Variants in MAP4K3 observed in about 807,000 individuals in gnomAD.
MAP4K3 encodes MAPK/ERK kinase kinase kinase 3.
MAP4K3 carries 94 observed loss-of-function variants against 143.5 expected under a neutral mutation model. The observed-to-expected ratio is 0.65, with a 90% CI of 0.55 to 0.78. MAP4K3 has a LOEUF of 0.78. Among genes scored for constraint, MAP4K3 ranks in the 30% least tolerant of loss-of-function variants. MAP4K3 has a pLI of 0.00. For synonymous variants in MAP4K3, 416 were observed against 347.2 expected (o/e 1.20, Z -2.20); for missense variants, 1,077 against 1,068.1 (o/e 1.01, Z -0.12).
chr2:39,269,777 GACT>G (rs1163085705), intron 26 of MAP4K3, among the ~76,000 whole-genome samples: 1 of 152,060 alleles, frequency 6.6e-6, no homozygotes, highest in East Asian at 1.9e-4. Flanking sequence ...AACACTGAAC[GACT>G]ACAATGGCAA....
intron 16 of MAP4K3, among the ~76,000 whole-genome samples, chr2:39,295,565 T>G (rs1324392977): frequency 6.6e-6 from 1 of 152,102 alleles, no homozygotes; most frequent in Non-Finnish European, 1.5e-5. Flanking sequence ...TTATGTAATT[T>G]TAGATGTGAA....
chr2:39,332,463 C>G (rs1683713446), intron 7 of MAP4K3, among the ~76,000 whole-genome samples: 1 of 151,946 alleles, frequency 6.6e-6, no homozygotes, highest in African/African-American at 2.4e-5. Flanking sequence ...AGAATATCCC[C>G]AAACTTAACA....
At chr2:39,293,851 T>G (rs999941861) in intron 16 of MAP4K3, 2 of 153,392 alleles carry the variant, frequency 1.3e-5, no homozygotes, top group East Asian at 3.8e-4. Context: ...CCTGAAGGAT[T>G]TGTTCTCCAG....
chr2:39,319,004 G>C (rs549712016), intron 12 of MAP4K3, among the ~76,000 whole-genome samples: 12 of 152,142 alleles, frequency 7.9e-5, no homozygotes, highest in African/African-American at 2.9e-4. Context: ...CACAACTTGG[G>C]ATTAAAGGGT....
chr2:39,269,088 T>C lies in MAP4K3; in HGVS notation c.1974-1841A>G, dbSNP rs1004772279. Among the ~76,000 whole-genome samples the C allele has an allele frequency of 2.0e-4, 29 of 146,250 alleles. 1 individual carries two copies. Among genetic ancestry groups the C allele is most frequent in the African/African-American group, 3.0e-4 (12 of 39,946 alleles). ...ATGTGTAAATTTGCCAAAGATTAGATAGATGCCAGTGCTCTGTACAAGTCT... is the reference window on the plus strand; with the variant it reads ...ATGTGTAAATTTGCCAAAGATTAGACAGATGCCAGTGCTCTGTACAAGTCT... On this transcript the variant is annotated intron_variant, in intron 26 of 33. Coordinates refer to ENST00000263881, the MANE Select transcript of MAP4K3 (RefSeq NM_003618.4).
intron 15 of MAP4K3, among the ~76,000 whole-genome samples, chr2:39,303,904 C>G (rs542845987): frequency 5.2e-4 from 79 of 151,898 alleles, no homozygotes; most frequent in African/African-American, 1.7e-3. Context: ...GCTTAAATAG[C>G]CAGTAAAACT....
chr2:39,402,225 G>A (rs865950889), intron 1 of MAP4K3, among the ~76,000 whole-genome samples: 1 of 152,096 alleles, frequency 6.6e-6, no homozygotes, highest in Non-Finnish European at 1.5e-5. Context: ...TGAAGAAAAC[G>A]GTAATAGAAA....
chr2:39,295,244 A>G (rs1682223086), intron 16 of MAP4K3, among the ~76,000 whole-genome samples: 1 of 152,072 alleles, frequency 6.6e-6, no homozygotes, highest in Admixed American at 6.5e-5. Flanking sequence ...GTTTTAAGAA[A>G]CCACTGTGAA....
At chr2:39,318,264 G>C (rs901102973) in intron 12 of MAP4K3, among the ~76,000 whole-genome samples, 3 of 151,922 alleles carry the variant, frequency 2.0e-5, no homozygotes, top group South Asian at 4.2e-4. Context: ...AGGAGGGTGA[G>C]GATAAAAAAC....
chr2:39,286,945 G>A lies in MAP4K3; in HGVS notation c.1494C>T (p.Phe498=), dbSNP rs775138918. Residue 498 remains phenylalanine (F), a synonymous_variant, in exon 21 of 34, where the codon TTC becomes TTT. Coordinates refer to ENST00000263881, the MANE Select transcript of MAP4K3 (RefSeq NM_003618.4). ...AGCCATCTCGTTCACCATTTAACTG[G>A]AAGGAGCTCATTCCATTTCCTTCAA... is the stretch of plus-strand genomic sequence containing the variant. The part of the protein sequence containing the change: ...PVALGNGMSS[F]QLNGERDGSL... The A allele has an allele frequency of 5.6e-6, 9 of 1,604,908 alleles. No homozygotes were observed. The South Asian group carries it at 8.9e-5, about 16-fold the overall frequency.
At chr2:39,415,070 C>T (rs1667335227) in intron 1 of MAP4K3, among the ~76,000 whole-genome samples, 1 of 152,030 alleles carries the variant, frequency 6.6e-6, no homozygotes, top group Non-Finnish European at 1.5e-5. Context: ...GAGCCAAATC[C>T]CTAAGTTGGG....
rs371681950 is a variant in MAP4K3, at chr2:39,423,671, C to T, written c.96+13221G>A. Among the ~76,000 whole-genome samples the T allele has an allele frequency of 2.0e-5, 3 of 152,126 alleles. No individual in the cohort carries two copies. The East Asian group carries it at 5.8e-4, about 29-fold the overall frequency. On this transcript the variant is annotated intron_variant, in intron 1 of 33. Transcript: ENST00000263881. The stretch of plus-strand genomic sequence containing the variant: ...AGGGAAAGAAGACAGTCTGAAAAGG[C>T]TACATATTGTATGATTCCAATTATA...
At chr2:39,299,167 T>A (rs778313023) in intron 16 of MAP4K3, among the ~76,000 whole-genome samples, 1 of 152,166 alleles carries the variant, frequency 6.6e-6, no homozygotes, top group African/African-American at 2.4e-5. Context: ...ACAATTTAAA[T>A]TGTTAATGTT....
Position 39,288,115 on chromosome 2 carries a change from CAT to C in MAP4K3, c.1474+4_1474+5del. 6.2e-7 allele frequency: 1 copy of C among 1,613,692 alleles called. No individual in the cohort carries two copies. Among genetic ancestry groups the C allele is most frequent in the Non-Finnish European group, 8.5e-7 (1 of 1,179,782 alleles). On this transcript the variant is annotated splice_donor_5th_base_variant and intron_variant, in intron 20 of 33. Transcript: ENST00000263881. ...TAACATATTTGCTGTCACCCTCCAC[CAT>C]TACCTAAGGCAACAGGTTTGTGTGG... is the stretch of plus-strand genomic sequence containing the variant.
At chr2:39,349,498 G>A (rs1665389255) in intron 3 of MAP4K3, among the ~76,000 whole-genome samples, 1 of 152,132 alleles carries the variant, frequency 6.6e-6, no homozygotes, top group African/African-American at 2.4e-5. Flanking sequence ...TATGCTTCCA[G>A]AAAGAAACCA....
intron 19 of MAP4K3, among the ~76,000 whole-genome samples, chr2:39,289,082 G>A (rs1346416409): frequency 6.6e-6 from 1 of 151,962 alleles, no homozygotes; most frequent in African/African-American, 2.4e-5. Flanking sequence ...AACAAAAAAC[G>A]TTATCATGTT....
At chr2:39,274,095 A>T (rs541228336) in intron 24 of MAP4K3, among the ~76,000 whole-genome samples, 1 of 152,356 alleles carries the variant, frequency 6.6e-6, no homozygotes, top group South Asian at 2.1e-4. Context: ...TAATATAAAC[A>T]TATATAAAGT....
At chr2:39,425,473 T>C (rs1665039789) in intron 1 of MAP4K3, among the ~76,000 whole-genome samples, 1 of 152,162 alleles carries the variant, frequency 6.6e-6, no homozygotes, top group Non-Finnish European at 1.5e-5. Flanking sequence ...TGGGGCTTTT[T>C]GGAGATAACT....
At chr2:39,433,999 T>C (rs1037039093) in intron 1 of MAP4K3, among the ~76,000 whole-genome samples, 2 of 152,214 alleles carry the variant, frequency 1.3e-5, no homozygotes, top group Admixed American at 1.3e-4. Context: ...AAATCCCAGA[T>C]TGTCCACATC....
Sources: allele counts gnomAD v4.1 joint callset (sites outside exome capture counted in the v4.1 genomes callset), GRCh38; gene constraint gnomAD v4.1.1; transcripts MANE v1.5; gene names NCBI Gene and HGNC (gene_info 2026-07-23, HGNC 2026-07-21).